MTR: variants seen among roughly 807,000 people sequenced by gnomAD.
The protein encoded by MTR is 5-methyltetrahydrofolate-homocysteine methyltransferase, also known as methionine synthase.
In MTR, 84 loss-of-function variants were observed where a neutral mutation model predicts 154.8. The ratio of observed to expected loss-of-function variants is 0.54; its 90% CI spans 0.45 to 0.65. The LOEUF (loss-of-function observed/expected upper bound fraction) is 0.65, where lower values mean the gene tolerates loss of function less well. Among genes scored for constraint, MTR ranks in the 30% least tolerant of loss-of-function variants. MTR has a pLI of 0.00. For synonymous variants in MTR, 554 were observed against 553.9 expected (o/e 1.00, Z 0.00); for missense variants, 1,275 against 1,570.2 (o/e 0.81, Z 3.18).
At position 236,829,177 on chromosome 1, in the gene MTR, C is replaced by T. The variant is rs773786078; in HGVS notation, c.996-12C>T. On this transcript the variant is annotated splice_polypyrimidine_tract_variant and intron_variant, in intron 11 of 32. Coordinates refer to ENST00000366577, the MANE Select transcript of MTR (RefSeq NM_000254.3). ...TGAATTAATGGATACAATGTTTCCT[C>T]TTTCAACTCAGGGAAATTGCTGAAG... 4 of 1,605,726 alleles carry T rather than the reference C, an allele frequency of 2.5e-6. No individual in the cohort carries two copies. Among genetic ancestry groups the T allele is most frequent in the Non-Finnish European group, 3.4e-6 (4 of 1,172,422 alleles).
chr1:236,862,411 G>A (rs1401086533), intron 21 of MTR, 68 bp downstream of exon 21: 1 of 1,286,430 alleles, frequency 7.8e-7, no homozygotes, highest in African/African-American at 1.5e-5. Context: ...GTGGTGGTAG[G>A]GGCCTAAGCA....
At chr1:236,803,969 T>C (rs1423452857) in intron 2 of MTR, among the ~76,000 whole-genome samples, 1 of 152,206 alleles carries the variant, frequency 6.6e-6, no homozygotes, top group African/African-American at 2.4e-5. Context: ...GATGAAGAAA[T>C]GCTTAAAGGT....
In MTR at chr1:236,829,296, A is replaced by C. The variant is rs188991336; in HGVS notation, c.1075+28A>C. The C allele has an allele frequency of 3.0e-4, 470 of 1,571,216 alleles. 2 individuals carry two copies. The African/African-American group carries it at 5.7e-3, about 19-fold the overall frequency. On this transcript the variant is annotated intron_variant, in intron 12 of 32. Transcript: ENST00000366577. The stretch of plus-strand genomic sequence containing the variant: ...GAGTCATAAAGACCTGGTATTCCTG[A>C]TTGCAGAAACCATTTGTGGAGTGTG...
intron 22 of MTR, among the ~76,000 whole-genome samples, chr1:236,869,035 G>A (rs541253870): frequency 6.6e-6 from 1 of 152,326 alleles, no homozygotes; most frequent in South Asian, 2.1e-4. Flanking sequence ...ACTGCAGACT[G>A]GATGGAAACA....
intron 12 of MTR, among the ~76,000 whole-genome samples, chr1:236,830,346 C>T (rs1184746897): frequency 1.3e-5 from 2 of 151,994 alleles, no homozygotes; most frequent in African/African-American, 4.8e-5. Flanking sequence ...TTACTTCAGC[C>T]AAGCACTAAG....
intron 1 of MTR, among the ~76,000 whole-genome samples, 161 bp downstream of exon 1, chr1:236,795,898 CT>C (rs1193996221): frequency 6.6e-6 from 1 of 152,236 alleles, no homozygotes; most frequent in Non-Finnish European, 1.5e-5. Context: ...GCCCGGAGGG[CT>C]ACGTGTTTTG....
chr1:236,798,742 A>G (rs748967077), intron 1 of MTR, among the ~76,000 whole-genome samples: 4 of 152,268 alleles, frequency 2.6e-5, no homozygotes, highest in Admixed American at 6.5e-5. Context: ...TTTATTTAGA[A>G]CTTGACTAGT....
intron 15 of MTR, among the ~76,000 whole-genome samples, 177 bp from the exon 16 acceptor site, chr1:236,850,167 C>A (rs1305081846): frequency 6.6e-6 from 1 of 152,052 alleles, no homozygotes; most frequent in Non-Finnish European, 1.5e-5. Flanking sequence ...ATTTAGATTT[C>A]TGTGAAATCC....
chr1:236,861,104 T>TG, intron 19 of MTR, 21 bp from the exon 20 acceptor site: 1 of 1,501,730 alleles, frequency 6.7e-7, no homozygotes, highest in South Asian at 1.3e-5. Flanking sequence ...TTTCTTTTTT[T>TG]TTTTTTTTTG....
At chr1:236,818,330 G>A (rs1661718858) in intron 8 of MTR, among the ~76,000 whole-genome samples, 1 of 131,320 alleles carries the variant, frequency 7.6e-6, no homozygotes, top group Admixed American at 8.0e-5. Context: ...GTCTTTCCTA[G>A]CGATTAGGTA....
intron 8 of MTR, among the ~76,000 whole-genome samples, chr1:236,821,382 C>T (rs1041647363): frequency 7.2e-5 from 11 of 152,188 alleles, no homozygotes; most frequent in African/African-American, 2.4e-4. Flanking sequence ...TGTAAAGGCC[C>T]CACCTTCCAA....
chr1:236,836,014 A>G (rs1278430628), intron 14 of MTR, among the ~76,000 whole-genome samples: 1 of 152,152 alleles, frequency 6.6e-6, no homozygotes, highest in Non-Finnish European at 1.5e-5. Flanking sequence ...CTCTATTTCT[A>G]CCATAGGCAA....
In MTR at chr1:236,838,824, C is replaced by T. The variant is rs546351778; in HGVS notation, c.1515+225C>T. 1.5e-4 allele frequency among the ~76,000 whole-genome samples: 23 copies of T among 152,224 alleles called. 1 individual carries two copies. The South Asian group carries it at 4.8e-3, about 32-fold the overall frequency. ...GAAATACATCATTAGGTGATTTTGT[C>T]ATTGTGCCAACGTCATAGAGTGTAT... On this transcript the variant is annotated intron_variant, in intron 15 of 32. Coordinates refer to ENST00000366577, the MANE Select transcript of MTR (RefSeq NM_000254.3).
In MTR at chr1:236,877,208, C is replaced by A. The variant is rs77245074; in HGVS notation, c.2594+2362C>A. 2.6e-3 allele frequency among the ~76,000 whole-genome samples: 394 copies of A among 152,298 alleles called. 4 individuals carry two copies. The highest frequency in any genetic ancestry group is 8.4e-3 in the African/African-American group (351 of 41,552). The stretch of plus-strand genomic sequence containing the variant: ...AATTAGTGACAGTGGATGAGGTCTG[C>A]GATCTGAGGTCTTGCTTTAGCAAGC... On this transcript the variant is annotated intron_variant, in intron 24 of 32. Transcript: ENST00000366577.
In MTR at chr1:236,815,547, G is replaced by A. The variant is rs950278108; in HGVS notation, c.610-57G>A. ...AGGGTGCATTCTAATCAGGAAGTTA[G>A]ACTAATCTTGGACACACTCTCAGAA... On this transcript the variant is annotated intron_variant, in intron 6 of 32. Transcript: ENST00000366577. 42 of 1,559,904 alleles carry A rather than the reference G, an allele frequency of 2.7e-5. No individual in the cohort carries two copies. The Admixed American group carries it at 6.8e-4, about 25-fold the overall frequency.
intron 2 of MTR, among the ~76,000 whole-genome samples, chr1:236,804,838 A>G (rs989723527): frequency 1.3e-5 from 2 of 152,052 alleles, no homozygotes; most frequent in Non-Finnish European, 2.9e-5. Flanking sequence ...GAGTGAATAT[A>G]TATATGTAGA....
chr1:236,885,594 G>T (rs1232303491), intron 26 of MTR, among the ~76,000 whole-genome samples: 1 of 152,188 alleles, frequency 6.6e-6, no homozygotes, highest in Non-Finnish European at 1.5e-5. Flanking sequence ...GCTAATGGAA[G>T]AAAATGGAGA....
chr1:236,853,147 C>A, intron 18 of MTR, 59 bp downstream of exon 18: 1 of 1,537,236 alleles, frequency 6.5e-7, no homozygotes, highest in Non-Finnish European at 9.0e-7. Context: ...TATTACTCAC[C>A]TACAGTTAGT....
Position 236,885,193 on chromosome 1 carries a change from A to G in MTR, c.2749A>G (p.Arg917Gly). 6.2e-7 allele frequency: 1 copy of G among 1,603,208 alleles called. No homozygotes were observed. The highest frequency in any genetic ancestry group is 8.5e-7 in the Non-Finnish European group (1 of 1,170,170). Residue 917 changes from arginine to glycine, a missense_variant, in exon 26 of 33, where the codon AGA becomes GGA. Transcript: ENST00000366577. ...AATCATGGAAGAATATGAAGATATTAGACAGGACCATTATGAGTCTCTCAA... is the reference window on the plus strand; with the variant it reads ...AATCATGGAAGAATATGAAGATATTGGACAGGACCATTATGAGTCTCTCAA... ...EEIMEEYEDI[R>G]QDHYESLKER...
Sources: allele counts gnomAD v4.1 joint callset (sites outside exome capture counted in the v4.1 genomes callset), GRCh38; gene constraint gnomAD v4.1.1; transcripts MANE v1.5; gene names NCBI Gene and HGNC (gene_info 2026-07-23, HGNC 2026-07-21).